Variants in PLCE1 observed in about 807,000 individuals in gnomAD.
PLCE1 encodes the protein 1-phosphatidylinositol 4,5-bisphosphate phosphodiesterase epsilon-1.
Under a neutral mutation model 242.8 loss-of-function variants are expected in PLCE1, and 119 were observed. That is an observed-to-expected ratio of 0.49 (90% CI 0.42 to 0.57). The LOEUF (loss-of-function observed/expected upper bound fraction) is 0.57. PLCE1 is among the 20% of genes least tolerant of loss of function. PLCE1 has a pLI of 0.00. For missense variants in PLCE1, 2,441 were observed against 2,788.8 expected, an observed-to-expected ratio of 0.88 and a Z score of 2.81; for synonymous variants, 945 against 1,017.4, an observed-to-expected ratio of 0.93 and a Z score of 1.35.
At chr10:94,024,071 A>G (rs899641671) in intron 1 of PLCE1, among the ~76,000 whole-genome samples, 1 of 152,186 alleles carries the variant, frequency 6.6e-6, no homozygotes, top group African/African-American at 2.4e-5. Flanking sequence ...GACTCATATT[A>G]TGTAGGGTTT....
At chr10:94,150,996 C>T (rs2047256652) in intron 3 of PLCE1, among the ~76,000 whole-genome samples, 2 of 152,204 alleles carry the variant, frequency 1.3e-5, no homozygotes, top group African/African-American at 4.8e-5. Flanking sequence ...ACACCTCCTT[C>T]GTCTGTACTG....
intron 28 of PLCE1, 43 bp from the exon 29 acceptor site, chr10:94,316,504 A>G: frequency 3.9e-6 from 5 of 1,269,142 alleles, no homozygotes; most frequent in Non-Finnish European, 5.8e-6. Flanking sequence ...ATTTGTTTTA[A>G]GTTTTTGCCT....
intron 4 of PLCE1, among the ~76,000 whole-genome samples, chr10:94,204,214 G>A (rs552009420): frequency 9.8e-5 from 15 of 152,294 alleles, no homozygotes; most frequent in African/African-American, 3.6e-4. Context: ...GGCAAAAAGG[G>A]TGATATGATA....
chr10:94,288,591 G>A (rs932605969), intron 22 of PLCE1, among the ~76,000 whole-genome samples: 16 of 152,138 alleles, frequency 1.1e-4, no homozygotes, highest in Non-Finnish European at 1.5e-5. Flanking sequence ...GGTTTCTAAG[G>A]CAGGCAATTC....
chr10:94,018,115 A>G (rs2061313061), intron 1 of PLCE1, among the ~76,000 whole-genome samples: 1 of 152,202 alleles, frequency 6.6e-6, no homozygotes. Flanking sequence ...TTTAGCAAAT[A>G]GGTGTGCTGA....
intron 22 of PLCE1, among the ~76,000 whole-genome samples, 186 bp from the exon 23 acceptor site, chr10:94,293,322 A>C (rs542535333): frequency 6.6e-6 from 1 of 152,288 alleles, no homozygotes; most frequent in Non-Finnish European, 1.5e-5. Context: ...GCCTATAGAG[A>C]TTTTTAAAAC....
intron 1 of PLCE1, among the ~76,000 whole-genome samples, chr10:94,024,216 A>G (rs2061422097): frequency 6.6e-6 from 1 of 152,178 alleles, no homozygotes; most frequent in Non-Finnish European, 1.5e-5. Flanking sequence ...GAGAATGCAT[A>G]AGTAAATAAC....
chr10:94,288,751 C>T (rs2052548012), intron 22 of PLCE1, among the ~76,000 whole-genome samples: 1 of 152,146 alleles, frequency 6.6e-6, no homozygotes, highest in Non-Finnish European at 1.5e-5. Flanking sequence ...TTCCAGGGCT[C>T]ATTTTTATTC....
At chr10:94,195,566 AT>A (rs1251158963) in intron 4 of PLCE1, among the ~76,000 whole-genome samples, 4 of 152,096 alleles carry the variant, frequency 2.6e-5, no homozygotes, top group Non-Finnish European at 5.9e-5. Context: ...TCACTTGGTG[AT>A]TTCCTTTCTC....
At chr10:94,318,772 CACA>C (rs1256547445) in intron 29 of PLCE1, among the ~76,000 whole-genome samples, 3 of 152,200 alleles carry the variant, frequency 2.0e-5, no homozygotes, top group Non-Finnish European at 4.4e-5. Flanking sequence ...AAATGTATAC[CACA>C]ACAAGCTGGG....
chr10:94,279,966 A>G, intron 20 of PLCE1, 55 bp downstream of exon 20: 1 of 1,583,992 alleles, frequency 6.3e-7, no homozygotes. Context: ...ATGATTTGCC[A>G]CATTTTTCTT....
chr10:94,319,460 C>G (rs955529824), intron 29 of PLCE1, among the ~76,000 whole-genome samples: 11 of 152,144 alleles, frequency 7.2e-5, no homozygotes, highest in Non-Finnish European at 1.5e-4. Context: ...TATGAAAATT[C>G]TTCAGTTGCT....
intron 2 of PLCE1, among the ~76,000 whole-genome samples, chr10:94,102,669 A>G (rs74151039): frequency 0.083 from 12,696 of 152,218 alleles, 1,730 homozygotes; most frequent in African/African-American, 0.28. Flanking sequence ...GCCAGAACTC[A>G]TGCCAGCGCC....
Position 94,030,942 on chromosome 10 carries a change from G to A in PLCE1, c.-105G>A. 3.6e-6 allele frequency: 4 copies of A among 1,106,844 alleles called. No homozygotes were observed. Among genetic ancestry groups the A allele is most frequent in the Non-Finnish European group, 5.5e-6 (4 of 722,314 alleles). 68.6% of individuals were successfully genotyped at this position (1,106,844 alleles called of 1,614,324 possible). ...ATCCCTTTGTTCTTTGGGAGGACTTGTGTATCTGAGATTGTTGTAATAATC... is the reference window on the plus strand; with the variant it reads ...ATCCCTTTGTTCTTTGGGAGGACTTATGTATCTGAGATTGTTGTAATAATC... On this transcript the variant is annotated 5_prime_UTR_variant, in exon 2 of 33. In the 5' UTR this introduces an upstream ATG that the reference lacks. Transcript: ENST00000371380.
intron 5 of PLCE1, among the ~76,000 whole-genome samples, 192 bp from the exon 6 acceptor site, chr10:94,233,862 C>T (rs1207691727): frequency 6.6e-6 from 1 of 151,772 alleles, no homozygotes; most frequent in Admixed American, 6.6e-5. Flanking sequence ...GCAGGAGAAT[C>T]GCTTGAACCC....
At chr10:94,120,011 C>G (rs1343134287) in intron 2 of PLCE1, among the ~76,000 whole-genome samples, 1 of 152,168 alleles carries the variant, frequency 6.6e-6, no homozygotes, top group African/African-American at 2.4e-5. Context: ...GATAGGCACC[C>G]CAGCGTGGGT....
At chr10:94,206,451 T>G (rs1225145545) in intron 4 of PLCE1, among the ~76,000 whole-genome samples, 1 of 152,202 alleles carries the variant, frequency 6.6e-6, no homozygotes, top group Admixed American at 6.5e-5. Context: ...TCATTGAAAG[T>G]TGTGATCAAA....
intron 2 of PLCE1, chr10:94,100,672 C>G (rs1057246774): frequency 6.6e-6 from 1 of 152,184 alleles, no homozygotes. Flanking sequence ...CTTGTCTTCT[C>G]TTGGTTCTTC....
intron 22 of PLCE1, among the ~76,000 whole-genome samples, chr10:94,291,611 G>A (rs2052647914): frequency 6.6e-6 from 1 of 152,072 alleles, no homozygotes; most frequent in African/African-American, 2.4e-5. Flanking sequence ...CTAACTTAAA[G>A]GATTGCTGTA....
Sources: allele counts gnomAD v4.1 joint callset (sites outside exome capture counted in the v4.1 genomes callset), GRCh38; gene constraint gnomAD v4.1.1; transcripts MANE v1.5; gene names NCBI Gene and HGNC (gene_info 2026-07-23, HGNC 2026-07-21).